Variants in HS2ST1 observed in about 807,000 individuals in gnomAD.
The protein encoded by HS2ST1 is heparan sulfate 2-O-sulfotransferase 1, also known as 2-O-sulfotransferase.
A neutral mutation model predicts 42.9 loss-of-function variants in HS2ST1; 18 were observed. The ratio of observed to expected loss-of-function variants is 0.42; its 90% CI spans 0.29 to 0.62. The LOEUF (loss-of-function observed/expected upper bound fraction) is 0.62, where lower values mean the gene tolerates loss of function less well. Among genes scored for constraint, HS2ST1 ranks in the 20% least tolerant of loss-of-function variants. The probability of loss-of-function intolerance (pLI) is 0.21; values close to 1 mark genes in which losing one functional copy is unlikely to be tolerated. For missense variants in HS2ST1, 334 were observed against 433.8 expected (o/e 0.77, Z 2.04); for synonymous variants, 146 against 152.9 (o/e 0.95, Z 0.33).
intron 1 of HS2ST1, among the ~76,000 whole-genome samples, chr1:87,040,144 T>C (rs910906927): frequency 6.6e-6 from 1 of 152,198 alleles, no homozygotes; most frequent in East Asian, 1.9e-4. Context: ...AAAGCATTTT[T>C]CCCCACAGAG....
intron 1 of HS2ST1, among the ~76,000 whole-genome samples, chr1:86,950,226 A>T (rs1647466342): frequency 6.6e-6 from 1 of 152,110 alleles, no homozygotes; most frequent in South Asian, 2.1e-4. Context: ...ACTTAATGCC[A>T]TTTTTTTCTT....
chr1:87,064,364 T>A (rs989831463), intron 1 of HS2ST1: 81 of 415,460 alleles, frequency 1.9e-4, no homozygotes, highest in African/African-American at 1.6e-3. Context: ...TCTTTTAGAG[T>A]CTTACATTTG....
chr1:87,068,338 G>A (rs1651306597), intron 1 of HS2ST1, among the ~76,000 whole-genome samples: 1 of 152,150 alleles, frequency 6.6e-6, no homozygotes, highest in Non-Finnish European at 1.5e-5. Context: ...TTGTGAATGG[G>A]AGTTCACTCA....
At chr1:86,917,241 A>T (rs1310611930) in intron 1 of HS2ST1, among the ~76,000 whole-genome samples, 1 of 152,148 alleles carries the variant, frequency 6.6e-6, no homozygotes, top group Non-Finnish European at 1.5e-5. Context: ...ATTTTTGACC[A>T]GACACGGTGG....
chr1:86,981,954 G>A (rs1305596341), intron 1 of HS2ST1, among the ~76,000 whole-genome samples: 1 of 152,232 alleles, frequency 6.6e-6, no homozygotes, highest in Admixed American at 6.5e-5. Context: ...TGCCCCTGCA[G>A]CACACTTCTG....
intron 1 of HS2ST1, among the ~76,000 whole-genome samples, chr1:87,052,562 T>C (rs1436779195): frequency 6.6e-6 from 1 of 152,334 alleles, no homozygotes; most frequent in South Asian, 2.1e-4. Context: ...ATTTCACTTG[T>C]GCTTTCCATA....
chr1:87,018,165 G>GAC (rs1246135539), intron 1 of HS2ST1, among the ~76,000 whole-genome samples: 20 of 81,342 alleles, frequency 2.5e-4, no homozygotes, highest in African/African-American at 8.1e-4. Context: ...CACACACACA[G>GAC]ACACACACAC....
intron 1 of HS2ST1, among the ~76,000 whole-genome samples, chr1:87,013,746 T>C (rs10782591): frequency 0.9 from 137,715 of 152,214 alleles, 62,563 homozygotes; most frequent in East Asian, 0.99. Context: ...CAAACCATAT[T>C]TTTGTAAGTA....
At chr1:86,990,940 A>G (rs1317768670) in intron 1 of HS2ST1, among the ~76,000 whole-genome samples, 1 of 147,160 alleles carries the variant, frequency 6.8e-6, no homozygotes, top group Admixed American at 6.9e-5. Flanking sequence ...TGGGCCTCCC[A>G]AAGTGCTGGG....
At chr1:87,075,882 G>A (rs527243150) in intron 2 of HS2ST1, among the ~76,000 whole-genome samples, 34 of 152,130 alleles carry the variant, frequency 2.2e-4, no homozygotes, top group African/African-American at 7.7e-4. Flanking sequence ...CTGCTTTTGA[G>A]TTTTTCATTT....
intron 1 of HS2ST1, among the ~76,000 whole-genome samples, chr1:86,992,375 G>T (rs371796337): frequency 0.027 from 3,536 of 131,866 alleles, 128 homozygotes; most frequent in African/African-American, 0.092. Context: ...TTTTTTTTTT[G>T]TGTGTGTGAG....
chr1:86,918,640 T>C (rs937554360), intron 1 of HS2ST1, among the ~76,000 whole-genome samples: 2 of 152,114 alleles, frequency 1.3e-5, no homozygotes, highest in African/African-American at 4.8e-5. Context: ...ACAAAGAATA[T>C]ACATATTTTA....
chr1:87,045,907 G>A (rs1313022894), intron 1 of HS2ST1: 1 of 700,482 alleles, frequency 1.4e-6, no homozygotes, highest in South Asian at 1.4e-5. Flanking sequence ...TGTGCTCACC[G>A]GCTTCTCCCA....
chr1:87,080,112 C>G (rs753594691), intron 2 of HS2ST1, among the ~76,000 whole-genome samples: 45 of 152,016 alleles, frequency 3.0e-4, no homozygotes, highest in Non-Finnish European at 5.9e-4. Context: ...CTGAATTTAC[C>G]TCAGATAGCA....
At chr1:86,933,706 ATTTTTT>A (rs58580477) in intron 1 of HS2ST1, among the ~76,000 whole-genome samples, 1 of 129,196 alleles carries the variant, frequency 7.7e-6, no homozygotes, top group South Asian at 2.5e-4. Flanking sequence ...ATGCCTTGTA[ATTTTTT>A]TTTTTTTTTT....
At position 87,031,033 on chromosome 1, in the gene HS2ST1, G is replaced by A. The variant is rs144473430; in HGVS notation, c.125-41901G>A. The stretch of plus-strand genomic sequence containing the variant: ...CAGCTCACTGAAGCCTTGATCTCCT[G>A]AGGTTAAGCGATCCTTTCACCTCAG... On this transcript the variant is annotated intron_variant, in intron 1 of 6. Transcript: ENST00000370550. Among the ~76,000 whole-genome samples the A allele has an allele frequency of 2.6e-5, 4 of 152,232 alleles. No individual in the cohort carries two copies. The East Asian group carries it at 7.7e-4, about 29-fold the overall frequency.
intron 1 of HS2ST1, among the ~76,000 whole-genome samples, chr1:87,015,179 G>A (rs1205239358): frequency 6.6e-6 from 1 of 151,994 alleles, no homozygotes; most frequent in African/African-American, 2.4e-5. Context: ...CTCCCGAGTA[G>A]CTGGGACTAC....
intron 1 of HS2ST1, among the ~76,000 whole-genome samples, chr1:86,965,581 A>G (rs928516836): frequency 6.6e-6 from 1 of 152,006 alleles, no homozygotes; most frequent in African/African-American, 2.4e-5. Context: ...TAAGAAAACT[A>G]CCACTGTGTG....
chr1:87,059,240 GTTGT>G (rs1205236893), intron 1 of HS2ST1, among the ~76,000 whole-genome samples: 1 of 152,062 alleles, frequency 6.6e-6, no homozygotes. Flanking sequence ...TAGTATATTT[GTTGT>G]TTATCAGCTT....
Sources: allele counts gnomAD v4.1 joint callset (sites outside exome capture counted in the v4.1 genomes callset), GRCh38; gene constraint gnomAD v4.1.1; transcripts MANE v1.5; gene names NCBI Gene and HGNC (gene_info 2026-07-23, HGNC 2026-07-21).